DSCAM: variants seen among roughly 807,000 people sequenced by gnomAD.
DSCAM encodes the protein cell adhesion molecule DSCAM.
DSCAM carries 47 observed loss-of-function variants against 217.7 expected under a neutral mutation model. That is an observed-to-expected ratio of 0.22 (90% CI 0.17 to 0.28). The LOEUF is 0.28. Ranked by LOEUF, DSCAM falls within the 10% of genes least tolerant of loss-of-function variation. DSCAM has a pLI of 1.00. For synonymous variants in DSCAM, 1,056 were observed against 1,015.3 expected (o/e 1.04, Z -0.76); for missense variants, 2,080 against 2,618.3 (o/e 0.79, Z 4.49).
At chr21:40,618,642 T>G (rs2146291973) in intron 3 of DSCAM, 1 of 150,652 alleles carries the variant, frequency 6.6e-6, no homozygotes, top group Non-Finnish European at 1.5e-5. Context: ...ACCCAAAACA[T>G]GCTTTTACAG....
At chr21:40,404,222 T>C (rs1265678893) in intron 3 of DSCAM, among the ~76,000 whole-genome samples, 1 of 152,198 alleles carries the variant, frequency 6.6e-6, no homozygotes, top group Non-Finnish European at 1.5e-5. Flanking sequence ...ACAAACAAAA[T>C]GCTGCTACGA....
At chr21:40,341,067 C>T (rs901339408) in intron 6 of DSCAM, among the ~76,000 whole-genome samples, 3 of 152,180 alleles carry the variant, frequency 2.0e-5, no homozygotes, top group East Asian at 1.9e-4. Context: ...GAGTTTGTTT[C>T]CTCCAGGCTA....
chr21:40,019,988 C>A (rs2088233201), intron 32 of DSCAM, among the ~76,000 whole-genome samples: 1 of 152,050 alleles, frequency 6.6e-6, no homozygotes, highest in Admixed American at 6.6e-5. Context: ...TCCCTCCATT[C>A]TTTCCTTTAT....
At chr21:40,831,292 G>A (rs2092010043) in intron 1 of DSCAM, among the ~76,000 whole-genome samples, 1 of 115,728 alleles carries the variant, frequency 8.6e-6, no homozygotes, top group South Asian at 2.9e-4. Flanking sequence ...TATCACCATA[G>A]CGTGGCACAG....
intron 32 of DSCAM, among the ~76,000 whole-genome samples, chr21:40,022,326 A>T (rs2088287722): frequency 6.6e-6 from 1 of 152,242 alleles, no homozygotes; most frequent in African/African-American, 2.4e-5. Context: ...TCCAATGCTC[A>T]GAATAGCCCC....
chr21:40,130,634 G>A (rs527879127), intron 19 of DSCAM, among the ~76,000 whole-genome samples: 2 of 152,236 alleles, frequency 1.3e-5, no homozygotes, highest in East Asian at 3.9e-4. Flanking sequence ...TATAGTTATG[G>A]ATAAGAGACT....
chr21:40,765,666 G>C (rs1163852638), intron 1 of DSCAM, among the ~76,000 whole-genome samples: 1 of 152,208 alleles, frequency 6.6e-6, no homozygotes, highest in Non-Finnish European at 1.5e-5. Flanking sequence ...ACATTTGTGA[G>C]AAGGTGTTTC....
At chr21:40,264,313 C>G (rs558679930) in intron 11 of DSCAM, among the ~76,000 whole-genome samples, 1 of 152,226 alleles carries the variant, frequency 6.6e-6, no homozygotes, top group Admixed American at 6.5e-5. Context: ...ACAATACTAG[C>G]AAACCAAATC....
intron 3 of DSCAM, among the ~76,000 whole-genome samples, chr21:40,435,256 C>T (rs1307528675): frequency 6.6e-6 from 1 of 152,224 alleles, no homozygotes; most frequent in Non-Finnish European, 1.5e-5. Flanking sequence ...CGCAGCTGCT[C>T]AAAGTGCAGC....
At chr21:40,519,211 T>C (rs577365098) in intron 3 of DSCAM, among the ~76,000 whole-genome samples, 7 of 152,288 alleles carry the variant, frequency 4.6e-5, no homozygotes, top group South Asian at 2.1e-4. Flanking sequence ...GTGAGTGTTA[T>C]GTGTGAGCTT....
intron 3 of DSCAM, among the ~76,000 whole-genome samples, chr21:40,486,704 T>A (rs1199743020): frequency 1.3e-5 from 2 of 152,208 alleles, no homozygotes; most frequent in Non-Finnish European, 2.9e-5. Context: ...AGCTTGAATT[T>A]TCACGGGGTA....
chr21:40,517,891 G>A (rs75896355), intron 3 of DSCAM, among the ~76,000 whole-genome samples: 2,603 of 152,152 alleles, frequency 0.017, 59 homozygotes, highest in African/African-American at 0.04. Context: ...GTTCAGCCTG[G>A]GTCCAGCCCA....
chr21:40,213,360 T>C (rs2091204282), intron 11 of DSCAM, among the ~76,000 whole-genome samples: 3 of 152,206 alleles, frequency 2.0e-5, no homozygotes, highest in African/African-American at 7.2e-5. Flanking sequence ...CACAGCCTCC[T>C]GCCTCCCTGT....
intron 3 of DSCAM, among the ~76,000 whole-genome samples, chr21:40,650,301 G>A (rs1478278172): frequency 2.7e-4 from 41 of 152,164 alleles, no homozygotes; most frequent in Admixed American, 2.7e-3. Flanking sequence ...GGTTAGACAA[G>A]GTAGTTATCA....
intron 1 of DSCAM, among the ~76,000 whole-genome samples, chr21:40,810,941 A>C (rs1450488636): frequency 6.6e-6 from 1 of 150,952 alleles, no homozygotes; most frequent in Non-Finnish European, 1.5e-5. Context: ...TAATTTTTTC[A>C]CTTGGGGTCA....
chr21:40,091,794 G>A (rs2089613574), intron 21 of DSCAM, among the ~76,000 whole-genome samples: 1 of 152,046 alleles, frequency 6.6e-6, no homozygotes, highest in Non-Finnish European at 1.5e-5. Context: ...GAGCATGTGT[G>A]GTGGAACTCC....
intron 3 of DSCAM, among the ~76,000 whole-genome samples, chr21:40,652,354 A>C (rs983065312): frequency 4.9e-4 from 75 of 152,018 alleles, no homozygotes; most frequent in African/African-American, 1.3e-3. Context: ...CAACAAAAAA[A>C]AAAAAAAACA....
chr21:40,380,258 T>TAG (rs1226794010), intron 3 of DSCAM, among the ~76,000 whole-genome samples: 1 of 152,234 alleles, frequency 6.6e-6, no homozygotes, highest in East Asian at 1.9e-4. Flanking sequence ...TAATCTTTGC[T>TAG]CTAGTTAGAT....
intron 11 of DSCAM, among the ~76,000 whole-genome samples, chr21:40,206,593 A>G (rs573531528): frequency 2.0e-5 from 3 of 152,124 alleles, no homozygotes; most frequent in Admixed American, 6.5e-5. Flanking sequence ...TGGATGTGTT[A>G]TATCAAGTAA....
Sources: gnomAD v4.1 joint callset for allele counts (sites outside exome capture counted in the v4.1 genomes callset) on GRCh38, gnomAD v4.1.1 for gene constraint, MANE v1.5 for transcripts, NCBI Gene and HGNC (gene_info 2026-07-23, HGNC 2026-07-21) for gene names.